The following PTPRN2 variants were observed in gnomAD, a reference collection of about 807,000 sequenced individuals.
PTPRN2 encodes the protein receptor-type tyrosine-protein phosphatase N2.
PTPRN2 carries 74 observed loss-of-function variants against 118.8 expected under a neutral mutation model. The ratio of observed to expected loss-of-function variants is 0.62; its 90% CI spans 0.52 to 0.76. The LOEUF (loss-of-function observed/expected upper bound fraction) is 0.76. Ranked by LOEUF, PTPRN2 falls within the 30% of genes least tolerant of loss-of-function variation. The probability of loss-of-function intolerance (pLI) is 0.00; values close to 1 mark genes in which losing one functional copy is unlikely to be tolerated. For missense variants in PTPRN2, 1,481 were observed against 1,394.4 expected (o/e 1.06, Z -0.99); for synonymous variants, 641 against 608.0 (o/e 1.05, Z -0.80).
At chr7:158,342,360 C>T (rs1311221469) in intron 2 of PTPRN2, among the ~76,000 whole-genome samples, 1 of 145,302 alleles carries the variant, frequency 6.9e-6, no homozygotes, top group African/African-American at 2.6e-5. Flanking sequence ...GTCACTCACA[C>T]CCACACTCTC....
intron 1 of PTPRN2, among the ~76,000 whole-genome samples, chr7:158,553,830 G>A (rs1034884906): frequency 3.3e-5 from 5 of 149,682 alleles, no homozygotes; most frequent in Non-Finnish European, 5.9e-5. Flanking sequence ...TGCATCGGGG[G>A]GGCTCTAACA....
chr7:158,355,633 G>T (rs530757387), intron 2 of PTPRN2, among the ~76,000 whole-genome samples: 1 of 152,204 alleles, frequency 6.6e-6, no homozygotes, highest in African/African-American at 2.4e-5. Flanking sequence ...CAGTGCAGAG[G>T]GATGTCCTTA....
At chr7:158,586,177 GT>G (rs1408799931) in intron 1 of PTPRN2, among the ~76,000 whole-genome samples, 1 of 152,238 alleles carries the variant, frequency 6.6e-6, no homozygotes, top group Non-Finnish European at 1.5e-5. Context: ...CAGCGCCTGT[GT>G]TCCTTCTAAC....
intron 11 of PTPRN2, among the ~76,000 whole-genome samples, chr7:158,065,606 C>T (rs1201971800): frequency 1.3e-5 from 2 of 152,210 alleles, no homozygotes; most frequent in African/African-American, 2.4e-5. Context: ...GCTGCCACCA[C>T]CACACGGCCC....
intron 2 of PTPRN2, among the ~76,000 whole-genome samples, chr7:158,448,453 C>G (rs1035547310): frequency 6.6e-6 from 1 of 151,998 alleles, no homozygotes; most frequent in Non-Finnish European, 1.5e-5. Flanking sequence ...AAACAGAAGT[C>G]TCCGCAGACC....
At chr7:158,151,061 C>T (rs1181227744) in intron 6 of PTPRN2, among the ~76,000 whole-genome samples, 3 of 120,500 alleles carry the variant, frequency 2.5e-5, no homozygotes, top group African/African-American at 9.9e-5. Flanking sequence ...CCCACACTGC[C>T]CGCCTTTCCA....
rs1229384362 is a variant in PTPRN2 at position 157,583,348 on chromosome 7, G to C, written c.2497-5208C>G. 6.6e-6 allele frequency among the ~76,000 whole-genome samples: 1 copy of C among 152,098 alleles called. No homozygotes were observed. Among genetic ancestry groups the C allele is most frequent in the East Asian group, 1.9e-4 (1 of 5,190 alleles). On this transcript the variant is annotated intron_variant, in intron 17 of 22. Coordinates refer to ENST00000389418, the MANE Select transcript of PTPRN2 (RefSeq NM_002847.5). The surrounding 1 kb of genome is among the most constrained non-coding windows in gnomAD (Gnocchi z 5.5). ...TGGAATGGGGAGCAATTGATCCAAAGGTAGTAACTTCCAGTAGAGGACAGC... is the reference window on the plus strand; with the variant it reads ...TGGAATGGGGAGCAATTGATCCAAACGTAGTAACTTCCAGTAGAGGACAGC...
At chr7:158,524,776 T>TCCTG (rs1013572751) in intron 1 of PTPRN2, among the ~76,000 whole-genome samples, 11 of 152,296 alleles carry the variant, frequency 7.2e-5, no homozygotes, top group African/African-American at 2.6e-4. Flanking sequence ...CACACTGAAG[T>TCCTG]CCTGCAGCTG....
chr7:158,135,291 T>C (rs1490432614), intron 8 of PTPRN2, among the ~76,000 whole-genome samples: 1 of 152,230 alleles, frequency 6.6e-6, no homozygotes, highest in Non-Finnish European at 1.5e-5. Context: ...TCCTTTTGTA[T>C]TTTTTAAAAT....
At chr7:158,151,069 C>G (rs1470702261) in intron 6 of PTPRN2, among the ~76,000 whole-genome samples, 2 of 118,302 alleles carry the variant, frequency 1.7e-5, no homozygotes, top group African/African-American at 6.7e-5. Context: ...GCCCGCCTTT[C>G]CACTCTTGCC....
At chr7:157,723,808 C>T (rs1799376118) in intron 12 of PTPRN2, among the ~76,000 whole-genome samples, 1 of 152,206 alleles carries the variant, frequency 6.6e-6, no homozygotes, top group Non-Finnish European at 1.5e-5. Flanking sequence ...GCAATGAAGC[C>T]ATGCCCCAAA....
At chr7:158,085,278 ACCCATCCACACCCACGACG>A (rs1157131427) in intron 10 of PTPRN2, among the ~76,000 whole-genome samples, 9 of 91,452 alleles carry the variant, frequency 9.8e-5, no homozygotes, top group African/African-American at 4.0e-4. Context: ...CCACACAGAT[ACCCATCCACACCCACGACG>A]CCCATCCACA....
rs1045413854 is a variant in PTPRN2 at position 158,468,784 on chromosome 7, C to T, written c.163+20951G>A. 1.1e-4 allele frequency among the ~76,000 whole-genome samples: 17 copies of T among 152,094 alleles called. No homozygotes were observed. The South Asian group carries it at 3.1e-3, about 28-fold the overall frequency. ...CATGCACACCCCCCACCCACACACACTCCCGGTGGAGCAACAGCGTGCACA... is the reference window on the plus strand; with the variant it reads ...CATGCACACCCCCCACCCACACACATTCCCGGTGGAGCAACAGCGTGCACA... On this transcript the variant is annotated intron_variant, in intron 2 of 22. Coordinates refer to ENST00000389418, the MANE Select transcript of PTPRN2 (RefSeq NM_002847.5).
chr7:157,578,435 C>G (rs1800172186), intron 17 of PTPRN2, among the ~76,000 whole-genome samples: 2 of 152,206 alleles, frequency 1.3e-5, no homozygotes, highest in East Asian at 1.9e-4. Flanking sequence ...GTAAAGGAAA[C>G]TTTCTACAAC....
chr7:158,331,870 T>G (rs1437971154), intron 2 of PTPRN2, among the ~76,000 whole-genome samples: 6 of 147,744 alleles, frequency 4.1e-5, no homozygotes, highest in African/African-American at 1.6e-4. Flanking sequence ...CCATAAGAGC[T>G]GACACCCGCA....
At chr7:158,014,132 C>A (rs974495476) in intron 11 of PTPRN2, among the ~76,000 whole-genome samples, 1 of 130,270 alleles carries the variant, frequency 7.7e-6, no homozygotes, top group Admixed American at 7.8e-5. Flanking sequence ...ATCCAATCAC[C>A]CACCCATTCA....
At chr7:157,664,063 A>G (rs1258382306) in intron 13 of PTPRN2, among the ~76,000 whole-genome samples, 1 of 152,140 alleles carries the variant, frequency 6.6e-6, no homozygotes, top group Non-Finnish European at 1.5e-5. Flanking sequence ...CTCACTGGAG[A>G]TGCCACTGGG....
intron 1 of PTPRN2, among the ~76,000 whole-genome samples, chr7:158,510,608 C>T (rs1386917516): frequency 6.6e-6 from 1 of 152,164 alleles, no homozygotes; most frequent in Non-Finnish European, 1.5e-5. Flanking sequence ...ACCCTGTTCT[C>T]TTTTATTTTC....
Position 157,806,384 on chromosome 7 carries a change from G to A in PTPRN2, c.1788+92289C>T, listed in dbSNP as rs190416956. Among the ~76,000 whole-genome samples the A allele has an allele frequency of 2.9e-3, 437 of 152,236 alleles. 7 individuals are homozygous for A. Among genetic ancestry groups the A allele is most frequent in the African/African-American group, 9.7e-3 (403 of 41,548 alleles). ...TATATCTACATATGTATTCATGCAT[G>A]TGTACAAAAATATGCACATATGTAC... On this transcript the variant is annotated intron_variant, in intron 12 of 22. Coordinates refer to ENST00000389418, the MANE Select transcript of PTPRN2 (RefSeq NM_002847.5).
Sources: allele counts gnomAD v4.1 joint callset (sites outside exome capture counted in the v4.1 genomes callset), GRCh38; gene constraint gnomAD v4.1.1; non-coding constraint Gnocchi (gnomAD v3.1); transcripts MANE v1.5; gene names NCBI Gene and HGNC (gene_info 2026-07-23, HGNC 2026-07-21).